Variants in LANCL2 observed in about 807,000 individuals in gnomAD.
The protein encoded by LANCL2 is LanC like glutathione S-transferase 2, also known as lanC-like protein 2.
In LANCL2, 33 loss-of-function variants were observed where a neutral mutation model predicts 56.9. The observed-to-expected ratio is 0.58, with a 90% CI of 0.44 to 0.78. The LOEUF (loss-of-function observed/expected upper bound fraction) is 0.78, where lower values mean the gene tolerates loss of function less well. LANCL2 is among the 30% of genes least tolerant of loss of function. The pLI is 0.00. For synonymous variants in LANCL2, 233 were observed against 228.2 expected (o/e 1.02, Z -0.19); for missense variants, 562 against 580.2 (o/e 0.97, Z 0.32).
At chr7:55,380,838 T>TA (rs1790059343) in intron 1 of LANCL2, among the ~76,000 whole-genome samples, 1 of 151,220 alleles carries the variant, frequency 6.6e-6, no homozygotes, top group Admixed American at 6.6e-5. Flanking sequence ...TAGAGTATGT[T>TA]ACAGTGCATG....
chr7:55,430,467 C>T (rs1027331792), intron 8 of LANCL2, among the ~76,000 whole-genome samples: 1 of 152,138 alleles, frequency 6.6e-6, no homozygotes, highest in African/African-American at 2.4e-5. Flanking sequence ...CTGGGGGGAC[C>T]ACAGGGATGG....
intron 1 of LANCL2, among the ~76,000 whole-genome samples, chr7:55,389,642 A>C (rs539688227): frequency 7.3e-5 from 11 of 151,710 alleles, no homozygotes; most frequent in Non-Finnish European, 1.3e-4. Flanking sequence ...CCTGACAACA[A>C]ATAACCAGTG....
rs1293519159 is a variant in LANCL2, at chr7:55,433,700, G to T, written c.*2380G>T. On this transcript the variant is annotated 3_prime_UTR_variant, in exon 9 of 9. Transcript: ENST00000254770. ...CACAAAAAGTGTTTGAGGTTCTTTGGTTTTGTTAGTAAAAGCCAGTTCTGT... is the reference window on the plus strand; with the variant it reads ...CACAAAAAGTGTTTGAGGTTCTTTGTTTTTGTTAGTAAAAGCCAGTTCTGT... 2 of 152,192 alleles carry T rather than the reference G, an allele frequency of 1.3e-5. No homozygotes were observed. Among genetic ancestry groups the T allele is most frequent in the Non-Finnish European group, 2.9e-5 (2 of 68,040 alleles). The allele number at this position is 152,192 out of a possible 1,614,324, so 9.4% of individuals were successfully genotyped here.
chr7:55,374,953 G>T (rs1195145719), intron 1 of LANCL2, among the ~76,000 whole-genome samples: 1 of 152,130 alleles, frequency 6.6e-6, no homozygotes, highest in Non-Finnish European at 1.5e-5. Flanking sequence ...GCTGCTTTAG[G>T]ATTATCAAGA....
intron 6 of LANCL2, among the ~76,000 whole-genome samples, chr7:55,424,541 TGTATGTGCCAA>T (rs1242083979): frequency 1.3e-5 from 2 of 152,248 alleles, no homozygotes; most frequent in Non-Finnish European, 2.9e-5. Flanking sequence ...AGCTATGGGA[TGTATGTGCCAA>T]GAAACAAGGA....
intron 1 of LANCL2, among the ~76,000 whole-genome samples, chr7:55,380,277 TG>T (rs1790051452): frequency 6.6e-6 from 1 of 152,214 alleles, no homozygotes; most frequent in Non-Finnish European, 1.5e-5. Flanking sequence ...CACAATTGGT[TG>T]GTCTCAAAAT....
intron 5 of LANCL2, among the ~76,000 whole-genome samples, chr7:55,409,111 C>T (rs1385225243): frequency 2.9e-4 from 42 of 144,766 alleles, no homozygotes; most frequent in Non-Finnish European, 9.0e-5. Flanking sequence ...TTTTTTGAGA[C>T]GGAGTCTTGC....
Position 55,399,946 on chromosome 7 carries a change from T to A in LANCL2, c.531-11T>A. 2 of 1,601,890 alleles carry A rather than the reference T, an allele frequency of 1.2e-6. No individual in the cohort carries two copies. The highest frequency in any genetic ancestry group is 2.2e-5 in the South Asian group (2 of 89,770). On this transcript the variant is annotated splice_polypyrimidine_tract_variant and intron_variant, in intron 3 of 8. Coordinates refer to ENST00000254770, the MANE Select transcript of LANCL2 (RefSeq NM_018697.4). The stretch of plus-strand genomic sequence containing the variant: ...TCCACTGGGAAAAAATTAATTTTTC[T>A]TATTGGTTAGACTTTTGCAGCTCCA...
At chr7:55,390,241 T>C (rs1377019226) in intron 1 of LANCL2, among the ~76,000 whole-genome samples, 1 of 151,612 alleles carries the variant, frequency 6.6e-6, no homozygotes, top group African/African-American at 2.4e-5. Flanking sequence ...GAGAGAGAGT[T>C]AAAGGGAGAA....
intron 7 of LANCL2, 115 bp from the exon 8 acceptor site, chr7:55,428,260 T>C: frequency 1.1e-6 from 1 of 874,310 alleles, no homozygotes; most frequent in Non-Finnish European, 1.9e-6. Context: ...CCACGCTGAA[T>C]GCCCTACAGC....
chr7:55,392,333 C>CT (rs71031842), intron 2 of LANCL2, among the ~76,000 whole-genome samples: 46,947 of 136,178 alleles, frequency 0.34, 8,803 homozygotes, highest in African/African-American at 0.43. Context: ...TTTTTTTTTT[C>CT]TTTTTTTTTT....
intron 1 of LANCL2, among the ~76,000 whole-genome samples, chr7:55,368,013 G>GA (rs1338415979): frequency 6.6e-6 from 1 of 152,150 alleles, no homozygotes; most frequent in Non-Finnish European, 1.5e-5. Context: ...GGCAAGCATT[G>GA]AAAAAACTGC....
Position 55,424,500 on chromosome 7 carries a change from C to T in LANCL2, c.1009-754C>T, listed in dbSNP as rs150044894. On this transcript the variant is annotated intron_variant, in intron 6 of 8. Coordinates refer to ENST00000254770, the MANE Select transcript of LANCL2 (RefSeq NM_018697.4). ...CCCTGCTAACAGGGCCTCACTCTCT[C>T]GATTGCCTTCTACAAGAGCAGAAGT... Among the ~76,000 whole-genome samples, 380 of 152,328 alleles carry T rather than the reference C, an allele frequency of 2.5e-3. 1 individual carries two copies. Among genetic ancestry groups the T allele is most frequent in the South Asian group, 5.0e-3 (24 of 4,828 alleles).
intron 6 of LANCL2, among the ~76,000 whole-genome samples, chr7:55,412,480 T>C (rs2128995295): frequency 6.6e-6 from 1 of 152,378 alleles, no homozygotes; most frequent in South Asian, 2.1e-4. Flanking sequence ...CCTTTATTGC[T>C]GGATTATGAT....
intron 6 of LANCL2, among the ~76,000 whole-genome samples, chr7:55,424,545 T>G (rs897635672): frequency 2.0e-5 from 3 of 152,258 alleles, no homozygotes; most frequent in African/African-American, 7.2e-5. Context: ...ATGGGATGTA[T>G]GTGCCAAGAA....
chr7:55,411,766 A>C (rs1049499403), intron 5 of LANCL2, 141 bp from the exon 6 acceptor site: 13 of 842,566 alleles, frequency 1.5e-5, no homozygotes, highest in Middle Eastern at 3.5e-4. Flanking sequence ...CTAAGTCTTA[A>C]ATAACCAGAT....
chr7:55,407,307 A>C (rs947719695), intron 5 of LANCL2, among the ~76,000 whole-genome samples: 1 of 152,180 alleles, frequency 6.6e-6, no homozygotes, highest in Non-Finnish European at 1.5e-5. Flanking sequence ...TGTCACCGCC[A>C]GCCTCAGGCA....
intron 5 of LANCL2, among the ~76,000 whole-genome samples, chr7:55,404,820 G>C (rs1562865144): frequency 6.6e-6 from 1 of 152,074 alleles, no homozygotes; most frequent in Non-Finnish European, 1.5e-5. Flanking sequence ...CGCCATGTTG[G>C]CCAGGTTGGT....
Position 55,411,956 on chromosome 7 carries a change from G to C in LANCL2, c.875G>C (p.Ser292Thr). The C allele has an allele frequency of 6.2e-7, 1 of 1,614,198 alleles. No individual in the cohort carries two copies. Among genetic ancestry groups the C allele is most frequent in the African/African-American group, 1.3e-5 (1 of 75,060 alleles). Residue 292 changes from serine (S) to threonine (T), a missense_variant, in exon 6 of 9, where the codon AGT becomes ACT. Physicochemically the swap from Ser to Thr is moderately conservative, Grantham distance 58. This residue lies in a region of LANCL2 where 378 missense variants were observed against 468.4 expected (regional missense o/e 0.81). Transcript: ENST00000254770. The stretch of plus-strand genomic sequence containing the variant: ...ACCTTGACAGAAATGGTGAAACCCA[G>C]TATTGATTATGTGCGCCACAAAAAA... ...QETLTEMVKPSIDYVRHKKFR... is the reference protein window; with the variant it reads ...QETLTEMVKPTIDYVRHKKFR...
Sources: gnomAD v4.1 joint callset for allele counts (sites outside exome capture counted in the v4.1 genomes callset) on GRCh38, gnomAD v4.1.1 for gene constraint, gnomAD v4.1.1 regional missense constraint, MANE v1.5 for transcripts, NCBI Gene and HGNC (gene_info 2026-07-23, HGNC 2026-07-21) for gene names.